EPHB6: variants seen among roughly 807,000 people sequenced by gnomAD.
EPHB6 encodes ephrin type-B receptor 6.
A neutral mutation model predicts 107.0 loss-of-function variants in EPHB6; 51 were observed. That is an observed-to-expected ratio of 0.48 (90% confidence interval 0.38 to 0.60). The LOEUF (loss-of-function observed/expected upper bound fraction) is 0.60. Ranked by LOEUF, EPHB6 falls within the 20% of genes least tolerant of loss-of-function variation. The pLI, the probability that EPHB6 is intolerant of heterozygous loss-of-function variation, is 0.00. For missense variants in EPHB6, 1,141 were observed against 1,355.5 expected (o/e 0.84, Z 2.48); for synonymous variants, 553 against 549.0 (o/e 1.01, Z -0.10).
chr7:142,867,659 T>C lies in EPHB6; in HGVS notation c.1802T>C (p.Ile601Thr). Reference sequence around the variant, plus strand: ...AGACTCTCCTTGGTGATCGGCTCCATCCTGGGGGCTTTGGCCTTCCTCCTG... The same window carrying C: ...AGACTCTCCTTGGTGATCGGCTCCACCCTGGGGGCTTTGGCCTTCCTCCTG... The part of the protein sequence containing the change: ...PERLSLVIGS[I>T]LGALAFLLLA... The change falls in exon 12 of 20, where the codon ATC (isoleucine) becomes ACC (threonine). Residue 601 changes from isoleucine (I) to threonine (T), a missense_variant. Physicochemically the swap from Ile to Thr is moderately conservative, Grantham distance 89 (BLOSUM62 -1). Coordinates refer to ENST00000652003, the MANE Select transcript of EPHB6 (RefSeq NM_004445.6). This position sits in a 1 kb window ranked among gnomAD's most constrained non-coding sequence, Gnocchi z 5.3. The C allele has an allele frequency of 1.2e-6, 2 of 1,613,668 alleles. No homozygotes were observed. The highest frequency in any genetic ancestry group is 1.7e-6 in the Non-Finnish European group (2 of 1,179,960).
In EPHB6 at chr7:142,867,169, C is replaced by A; in HGVS notation, c.1750+101C>A. On this transcript the variant is annotated intron_variant, in intron 11 of 19. Coordinates refer to ENST00000652003, the MANE Select transcript of EPHB6 (RefSeq NM_004445.6). This position sits in a 1 kb window ranked among gnomAD's most constrained non-coding sequence, Gnocchi z 5.3. ...GCCTTGAACCCTGGCCCCGTGCTTC[C>A]CAACCAGAAGTTCTGTGGGAAAGGA... is the stretch of plus-strand genomic sequence containing the variant. The A allele has an allele frequency of 6.9e-7, 1 of 1,444,412 alleles. No homozygotes were observed. The highest frequency in any genetic ancestry group is 9.3e-7 in the Non-Finnish European group (1 of 1,076,242). The allele number at this position is 1,444,412 out of a possible 1,614,324, so 89.5% of individuals were successfully genotyped here. A position where few individuals can be genotyped will look rare whatever the true frequency, so the allele number is the denominator to read the frequency against.
Position 142,864,147 on chromosome 7 carries a change from G to T in EPHB6, c.347G>T (p.Ser116Ile). The T allele has an allele frequency of 6.2e-7, 1 of 1,614,036 alleles. No homozygotes were observed. Among genetic ancestry groups the T allele is most frequent in the Non-Finnish European group, 8.5e-7 (1 of 1,180,040 alleles). ...RLHFSVRACSSLGVSGGTCRE... is the reference protein window; with the variant it reads ...RLHFSVRACSILGVSGGTCRE... Reference sequence around the variant, plus strand: ...CACTTCTCTGTGCGGGCATGCTCCAGCCTGGGTGTGAGCGGCGGCACCTGC... The same window carrying T: ...CACTTCTCTGTGCGGGCATGCTCCATCCTGGGTGTGAGCGGCGGCACCTGC... Residue 116 changes from serine to isoleucine, a missense_variant, in exon 7 of 20, where the codon AGC (serine) becomes ATC (isoleucine). Ser to Ile is a moderately radical substitution (Grantham distance 142, BLOSUM62 -2). Coordinates refer to ENST00000652003, the MANE Select transcript of EPHB6 (RefSeq NM_004445.6).
In EPHB6 at chr7:142,868,814, T is replaced by A; in HGVS notation, c.2286+75T>A. The A allele has an allele frequency of 6.2e-7, 1 of 1,611,644 alleles. No homozygotes were observed. Among genetic ancestry groups the A allele is most frequent in the Non-Finnish European group, 8.5e-7 (1 of 1,179,510 alleles). On this transcript the variant is annotated intron_variant, in intron 15 of 19. Transcript: ENST00000652003. This position sits in a 1 kb window ranked among gnomAD's most constrained non-coding sequence, Gnocchi z 4.2. ...TCCAGGAGACGAGGTCCTGTATCTT[T>A]GCTTCTTACCACCCCACCTTCCATG...
At position 142,866,046 on chromosome 7, in the gene EPHB6, G is replaced by T; in HGVS notation, c.1192G>T (p.Gly398Cys). The change falls in exon 9 of 20, where the codon GGT becomes TGT. Residue 398 changes from glycine to cysteine, a missense_variant. Physicochemically the swap from Gly to Cys is radical, Grantham distance 159 (BLOSUM62 -3). Transcript: ENST00000652003. The surrounding 1 kb of genome is among the most constrained non-coding windows in gnomAD (Gnocchi z 5.2). ...CTGGCGCCTGCCTCGGGAGCTGGGG[G>T]GTCGAGGGGACCTGCTCTTCAATGT... is the stretch of plus-strand genomic sequence containing the variant. ...LHWRLPRELG[G>C]RGDLLFNVVC... is the part of the protein sequence containing the mutation. 6.2e-7 allele frequency: 1 copy of T among 1,612,672 alleles called. No homozygotes were observed.
chr7:142,863,906 C>G, intron 6 of EPHB6, 60 bp from the exon 7 acceptor site: 4 of 1,610,528 alleles, frequency 2.5e-6, no homozygotes, highest in Non-Finnish European at 3.4e-6. Flanking sequence ...TTCCCTATAA[C>G]CTCTACCTCG....
Position 142,866,669 on chromosome 7 carries a change from G to A in EPHB6, c.1587+64G>A. 1 of 1,612,006 alleles carries A rather than the reference G, an allele frequency of 6.2e-7. No individual in the cohort carries two copies. The highest frequency in any genetic ancestry group is 8.5e-7 in the Non-Finnish European group (1 of 1,179,742). On this transcript the variant is annotated intron_variant, in intron 10 of 19. Coordinates refer to ENST00000652003, the MANE Select transcript of EPHB6 (RefSeq NM_004445.6). The surrounding 1 kb of genome is among the most constrained non-coding windows in gnomAD (Gnocchi z 5.2). Reference sequence around the variant, plus strand: ...AGGAGCTCATAGGCCTCACAGTGGGGCCCAGAGGTGACCAGGTGCACAGGA... The same window carrying A: ...AGGAGCTCATAGGCCTCACAGTGGGACCCAGAGGTGACCAGGTGCACAGGA...
At position 142,855,937 on chromosome 7, in the gene EPHB6, T is replaced by C. The variant is rs550146353; in HGVS notation, c.-432+552T>C. 6.6e-6 allele frequency among the ~76,000 whole-genome samples: 1 copy of C among 152,202 alleles called. No individual in the cohort carries two copies. Among genetic ancestry groups the C allele is most frequent in the East Asian group, 1.9e-4 (1 of 5,170 alleles). On this transcript the variant is annotated intron_variant, in intron 1 of 19. Coordinates refer to ENST00000652003, the MANE Select transcript of EPHB6 (RefSeq NM_004445.6). This position sits in a 1 kb window ranked among gnomAD's most constrained non-coding sequence, Gnocchi z 4.2. ...ACCCCCAACGTGCAACCAAATTCTA[T>C]TGCGTGCTCCTGCCCCAGCTCCACC... is the stretch of plus-strand genomic sequence containing the variant.
At chr7:142,863,465 C>T in intron 5 of EPHB6, 138 bp downstream of exon 5, 1 of 1,167,466 alleles carries the variant, frequency 8.6e-7, no homozygotes, top group Non-Finnish European at 1.3e-6. Context: ...TAATGAAGAC[C>T]CACATCAGAT....
rs756316909 is a variant in EPHB6, at chr7:142,869,090, C to T, written c.2403C>T (p.Ser801=). The T allele has an allele frequency of 4.3e-6, 7 of 1,613,832 alleles. No homozygotes were observed. The highest frequency in any genetic ancestry group is 1.6e-4 in the Middle Eastern group (1 of 6,062). Residue 801 remains serine (S), a synonymous_variant, in exon 16 of 20, where the codon AGC becomes AGT. Transcript: ENST00000652003. The surrounding 1 kb of genome is among the most constrained non-coding windows in gnomAD (Gnocchi z 4.5). The part of the protein sequence containing the change: ...AFVHRSLSAH[S]VLVNSHLVCK... The stretch of plus-strand genomic sequence containing the variant: ...TCCATCGCTCGCTGTCTGCCCACAG[C>T]GTGCTGGTGAATAGCCACTTGGTGT...
Position 142,869,643 on chromosome 7 carries a change from A to T in EPHB6, c.2461-174A>T. ...TAGTAGTTGCTCCATAAACGTGACT[A>T]TTGCTTCTGCTTCTGTGAAATGGAG... On this transcript the variant is annotated intron_variant, in intron 16 of 19. Transcript: ENST00000652003. The surrounding 1 kb of genome is among the most constrained non-coding windows in gnomAD (Gnocchi z 4.5). The T allele has an allele frequency of 1.3e-6, 1 of 756,294 alleles. No individual in the cohort carries two copies. Among genetic ancestry groups the T allele is most frequent in the Non-Finnish European group, 2.2e-6 (1 of 449,486 alleles). The allele number at this position is 756,294 out of a possible 1,614,324, so 46.8% of individuals were successfully genotyped here.
chr7:142,867,624 G>T lies in EPHB6; in HGVS notation c.1767G>T (p.Gln589His). The change falls in exon 12 of 20, where the codon CAG becomes CAT. Residue 589 changes from glutamine (Q) to histidine (H), a missense_variant. Coordinates refer to ENST00000652003, the MANE Select transcript of EPHB6 (RefSeq NM_004445.6). This position sits in a 1 kb window ranked among gnomAD's most constrained non-coding sequence, Gnocchi z 5.3. ...GTCCCCCAGGGGAGCTGTCTTCCCA[G>T]CTTCCAGAAAGACTCTCCTTGGTGA... The part of the protein sequence containing the change: ...QTLPQGELSS[Q>H]LPERLSLVIG... The T allele has an allele frequency of 6.2e-7, 1 of 1,613,012 alleles. No individual in the cohort carries two copies.
rs753840777 is a variant in EPHB6 at position 142,863,204 on chromosome 7, T to C, written c.-24T>C. 6.2e-7 allele frequency: 1 copy of C among 1,605,754 alleles called. No individual in the cohort carries two copies. The highest frequency in any genetic ancestry group is 8.5e-7 in the Non-Finnish European group (1 of 1,172,618). ...AGGAGCAGGGTGGTGGCTGGGGCGA[T>C]GGTGGACGCCCTGAAGATGTCCCAT... On this transcript the variant is annotated 5_prime_UTR_variant, in exon 5 of 20. It removes an upstream start codon present in the reference 5' UTR. Transcript: ENST00000652003.
rs2116476338 is a variant in EPHB6, at chr7:142,868,982, G to A, written c.2295G>A (p.Glu765=). The change falls in exon 16 of 20, where the codon GAG becomes GAA. Residue 765 remains glutamate, a synonymous_variant. Transcript: ENST00000652003. This position sits in a 1 kb window ranked among gnomAD's most constrained non-coding sequence, Gnocchi z 4.2. ...GPLDSFLRQR[E]GQFSSLQLVA... ...CTGCCCCTTCCCCTCAGCAGCGGGAGGGCCAGTTCAGCAGCCTGCAGCTGG... is the reference window on the plus strand; with the variant it reads ...CTGCCCCTTCCCCTCAGCAGCGGGAAGGCCAGTTCAGCAGCCTGCAGCTGG... 1 of 1,609,182 alleles carries A rather than the reference G, an allele frequency of 6.2e-7. No individual in the cohort carries two copies. The highest frequency in any genetic ancestry group is 8.5e-7 in the Non-Finnish European group (1 of 1,179,876).
chr7:142,870,475 G>A, intron 18 of EPHB6, 55 bp from the exon 19 acceptor site: 1 of 1,613,942 alleles, frequency 6.2e-7, no homozygotes, highest in South Asian at 1.1e-5. Context: ...GAAAACTGAG[G>A]AGAGGGGCTA....
rs1305612561 is a variant in EPHB6, at chr7:142,866,125, C to T, written c.1271C>T (p.Thr424Ile). 1 of 1,613,576 alleles carries T rather than the reference C, an allele frequency of 6.2e-7. No homozygotes were observed. Among genetic ancestry groups the T allele is most frequent in the Non-Finnish European group, 8.5e-7 (1 of 1,179,854 alleles). ...RQEPASGGGGTCHRCRDEVHF... is the reference protein window; with the variant it reads ...RQEPASGGGGICHRCRDEVHF... ...GAACCTGCCAGCGGTGGTGGGGGCA[C>T]TTGTCACCGCTGCAGGGATGAGGTC... The change falls in exon 9 of 20, where the codon ACT (threonine) becomes ATT (isoleucine). Residue 424 changes from threonine to isoleucine, a missense_variant. Around this residue, in one of 3 missense-constraint regions of EPHB6, gnomAD observed 304 missense variants for 295.7 expected, o/e 1.03. Coordinates refer to ENST00000652003, the MANE Select transcript of EPHB6 (RefSeq NM_004445.6). This position sits in a 1 kb window ranked among gnomAD's most constrained non-coding sequence, Gnocchi z 5.2.
chr7:142,866,727 G>T lies in EPHB6; in HGVS notation c.1587+122G>T. The T allele has an allele frequency of 6.3e-7, 1 of 1,592,242 alleles. No homozygotes were observed. The highest frequency in any genetic ancestry group is 1.3e-5 in the African/African-American group (1 of 74,542). On this transcript the variant is annotated intron_variant, in intron 10 of 19. Coordinates refer to ENST00000652003, the MANE Select transcript of EPHB6 (RefSeq NM_004445.6). This position sits in a 1 kb window ranked among gnomAD's most constrained non-coding sequence, Gnocchi z 5.2. ...GGGGTCCGCAACAGGGCTGGCAGGA[G>T]CTCACAGTCCCCACAGTAGGGGCCA...
chr7:142,870,462 AAAG>A (rs1328951099), intron 18 of EPHB6, 55 bp downstream of exon 18: 1 of 1,613,822 alleles, frequency 6.2e-7, no homozygotes, highest in African/African-American at 1.3e-5. Context: ...ATGCAAACCT[AAAG>A]AAAACTGAGG....
In EPHB6 at chr7:142,863,313, T is replaced by G. The variant is rs371446717; in HGVS notation, c.86T>G (p.Val29Gly). ...SLWVLLLVSS[V>G]LALEEVLLDT... ...TGGGTGCTGCTCCTGGTGTCTTCAG[T>G]TCTGGCTCTGGAAGGTAAGAGGGAG... Residue 29 changes from valine to glycine, a missense_variant, in exon 5 of 20, where the codon GTT becomes GGT. Around this residue, in one of 3 missense-constraint regions of EPHB6, gnomAD observed 221 missense variants for 300.5 expected, o/e 0.74. Transcript: ENST00000652003. 2 of 1,613,816 alleles carry G rather than the reference T, an allele frequency of 1.2e-6. No individual in the cohort carries two copies. The highest frequency in any genetic ancestry group is 2.7e-5 in the African/African-American group (2 of 74,926).
In EPHB6 at chr7:142,863,703, C is replaced by T. The variant is rs1180169566; in HGVS notation, c.165+8C>T. ...ACCTACCCACCAGGGGGGGTGAGTG[C>T]CACTCTAATTCTGAACCTGAATCCC... On this transcript the variant is annotated splice_region_variant and intron_variant, in intron 6 of 19. Coordinates refer to ENST00000652003, the MANE Select transcript of EPHB6 (RefSeq NM_004445.6). 3 of 1,613,328 alleles carry T rather than the reference C, an allele frequency of 1.9e-6. No individual in the cohort carries two copies. The highest frequency in any genetic ancestry group is 2.5e-6 in the Non-Finnish European group (3 of 1,179,576).
Sources: allele counts gnomAD v4.1 joint callset (sites outside exome capture counted in the v4.1 genomes callset), GRCh38; gene constraint gnomAD v4.1.1; regional missense constraint gnomAD v4.1.1; non-coding constraint Gnocchi (gnomAD v3.1); transcripts MANE v1.5; gene names NCBI Gene and HGNC (gene_info 2026-07-23, HGNC 2026-07-21).